The following VPS26C variants were observed in gnomAD, a reference collection of about 807,000 sequenced individuals.
VPS26C encodes vacuolar protein sorting-associated protein 26C.
VPS26C carries 19 observed loss-of-function variants against 30.6 expected under a neutral mutation model. The ratio of observed to expected loss-of-function variants is 0.62; its 90% CI spans 0.43 to 0.91. The LOEUF (loss-of-function observed/expected upper bound fraction) is 0.91, where lower values mean the gene tolerates loss of function less well. Among genes scored for constraint, VPS26C ranks in the 40% least tolerant of loss-of-function variants. The pLI is 0.00. For synonymous variants in VPS26C, 132 were observed against 151.5 expected (o/e 0.87, Z 0.95); for missense variants, 318 against 385.1 (o/e 0.83, Z 1.46).
At chr21:37,265,214 G>C (rs1303486841) in intron 1 of VPS26C, among the ~76,000 whole-genome samples, 1 of 152,188 alleles carries the variant, frequency 6.6e-6, no homozygotes, top group African/African-American at 2.4e-5. Flanking sequence ...GTGGTGATGG[G>C]TGTGCAACTC....
chr21:37,243,463 C>T (rs1451058676), intron 1 of VPS26C, among the ~76,000 whole-genome samples: 1 of 152,190 alleles, frequency 6.6e-6, no homozygotes, highest in Admixed American at 6.5e-5. Flanking sequence ...GGCGCAGCCC[C>T]GTGTGGTGTG....
chr21:37,267,668 C>T (rs2086384561), upstream of VPS26C: 1 of 291,806 alleles, frequency 3.4e-6, no homozygotes, highest in African/African-American at 2.2e-5. Context: ...TGCCCCGCGG[C>T]TGGAGGCGGA....
chr21:37,235,889 T>G (rs2086018744), intron 3 of VPS26C, among the ~76,000 whole-genome samples: 1 of 145,288 alleles, frequency 6.9e-6, no homozygotes. Flanking sequence ...ATTTTTTTTT[T>G]TAATTAAAAA....
chr21:37,238,556 G>A lies in VPS26C; in HGVS notation c.255C>T (p.Pro85=). 6.2e-7 allele frequency: 1 copy of A among 1,614,150 alleles called. No homozygotes were observed. The change falls in exon 3 of 8, where the codon CCC becomes CCT. Residue 85 remains proline, a synonymous_variant. Coordinates refer to ENST00000309117, the MANE Select transcript of VPS26C (RefSeq NM_006052.2). ...CAAAAGGGATTTCTGTTTTGCCGCT[G>A]GGAAATTTCCCCGGCTTCACCATTT... is the stretch of plus-strand genomic sequence containing the variant. ...TIEMVKPGKF[P]SGKTEIPFEF...
At chr21:37,228,194 AGC>A (rs1175759490) in intron 6 of VPS26C, 27 bp downstream of exon 6, 1 of 1,602,990 alleles carries the variant, frequency 6.2e-7, no homozygotes, top group Non-Finnish European at 8.5e-7. Context: ...GGGACAGGCA[AGC>A]GCCAGGCCTG....
chr21:37,243,473 G>T (rs912837235), intron 1 of VPS26C, among the ~76,000 whole-genome samples: 2 of 152,160 alleles, frequency 1.3e-5, no homozygotes, highest in East Asian at 3.9e-4. Context: ...CGTGTGGTGT[G>T]CGTGCTCATC....
chr21:37,238,538 G>T lies in VPS26C; in HGVS notation c.273C>A (p.Ile91=), dbSNP rs757143569. ...PGKFPSGKTE[I]PFEFPLHLKG... is the part of the protein sequence containing the mutation. ...TCAAGTGCAGAGGAAATTCAAAAGG[G>T]ATTTCTGTTTTGCCGCTGGGAAATT... The change falls in exon 3 of 8, where the codon ATC becomes ATA. Residue 91 remains isoleucine, a synonymous_variant. Transcript: ENST00000309117. 1.5e-5 allele frequency: 24 copies of T among 1,614,044 alleles called. No homozygotes were observed. Among genetic ancestry groups the T allele is most frequent in the Non-Finnish European group, 2.0e-5 (24 of 1,180,046 alleles).
At position 37,227,804 on chromosome 21, in the gene VPS26C, A is replaced by G. The variant is rs1466452160; in HGVS notation, c.661T>C (p.Cys221Arg). Reference sequence around the variant, plus strand: ...GCGTCGCGGGCATAGCCTTCTGCACACCCTGCGGGAGGGAGGCCACATCAC... The same window carrying G: ...GCGTCGCGGGCATAGCCTTCTGCACGCCCTGCGGGAGGGAGGCCACATCAC... Reference protein sequence around the residue: ...LQLVRVETCGCAEGYARDATE... With the variant: ...LQLVRVETCGRAEGYARDATE... Residue 221 changes from cysteine to arginine, a missense_variant and splice_region_variant, in exon 7 of 8, where the codon TGT (cysteine) becomes CGT (arginine). Cys to Arg is a radical substitution (Grantham distance 180). Transcript: ENST00000309117. 2.5e-6 allele frequency: 4 copies of G among 1,613,584 alleles called. No homozygotes were observed. Among genetic ancestry groups the G allele is most frequent in the Non-Finnish European group, 3.4e-6 (4 of 1,180,000 alleles).
chr21:37,243,013 T>C (rs1433794816), intron 1 of VPS26C, among the ~76,000 whole-genome samples: 3 of 152,178 alleles, frequency 2.0e-5, no homozygotes, highest in Non-Finnish European at 4.4e-5. Context: ...GGATAGGGAA[T>C]TAGCCCACCT....
chr21:37,242,397 G>A (rs1302021700), intron 1 of VPS26C, among the ~76,000 whole-genome samples: 1 of 152,124 alleles, frequency 6.6e-6, no homozygotes. Flanking sequence ...AGGAGTTCGA[G>A]ACCAGCCTGT....
At chr21:37,262,826 G>T (rs1024312212) in intron 1 of VPS26C, among the ~76,000 whole-genome samples, 1 of 150,820 alleles carries the variant, frequency 6.6e-6, no homozygotes, top group Non-Finnish European at 1.5e-5. Flanking sequence ...GGAGTGCAGT[G>T]GTGTGATCTT....
Position 37,223,898 on chromosome 21 carries a change from G to C in VPS26C, c.*1646C>G, listed in dbSNP as rs769617268. 6.6e-6 allele frequency: 1 copy of C among 152,278 alleles called. No individual in the cohort carries two copies. The highest frequency in any genetic ancestry group is 1.5e-5 in the Non-Finnish European group (1 of 68,072). 9.4% of individuals were successfully genotyped at this position (152,278 alleles called of 1,614,324 possible). Reference sequence around the variant, plus strand: ...AGAAGGCTAGTGTGTGTGCAAAGCAGCATGGCTTATTTTGAGGTCCTATTA... The same window carrying C: ...AGAAGGCTAGTGTGTGTGCAAAGCACCATGGCTTATTTTGAGGTCCTATTA... On this transcript the variant is annotated 3_prime_UTR_variant, in exon 8 of 8. Transcript: ENST00000309117.
At chr21:37,264,396 G>T (rs1156288145) in intron 1 of VPS26C, among the ~76,000 whole-genome samples, 1 of 152,140 alleles carries the variant, frequency 6.6e-6, no homozygotes, top group Non-Finnish European at 1.5e-5. Context: ...CGCAGGAAGT[G>T]GTCCTGGCTG....
chr21:37,266,836 C>T lies in VPS26C; in HGVS notation c.57+402G>A, dbSNP rs1941091990. The T allele has an allele frequency of 1.2e-5, 3 of 248,818 alleles. No homozygotes were observed. The South Asian group carries it at 1.7e-4, about 14-fold the overall frequency. 15.4% of individuals were successfully genotyped at this position (248,818 alleles called of 1,614,324 possible). A position where few individuals can be genotyped will look rare whatever the true frequency, so the allele number is the denominator to read the frequency against. ...TTGTTTTAGCTTTCGTTCATTAGACCTTTGCGGTCACCTTAGGAGAGAGGG... is the reference window on the plus strand; with the variant it reads ...TTGTTTTAGCTTTCGTTCATTAGACTTTTGCGGTCACCTTAGGAGAGAGGG... On this transcript the variant is annotated intron_variant, in intron 1 of 7. Coordinates refer to ENST00000309117, the MANE Select transcript of VPS26C (RefSeq NM_006052.2).
chr21:37,255,261 C>T (rs1183441765), intron 1 of VPS26C, among the ~76,000 whole-genome samples: 1 of 152,036 alleles, frequency 6.6e-6, no homozygotes, highest in African/African-American at 2.4e-5. Context: ...CTGCTCCTTT[C>T]CCAAAGGTGA....
At chr21:37,229,844 G>A (rs1487656742) in intron 5 of VPS26C, among the ~76,000 whole-genome samples, 1 of 152,190 alleles carries the variant, frequency 6.6e-6, no homozygotes, top group Non-Finnish European at 1.5e-5. Flanking sequence ...CTCTGAAGAA[G>A]TCTGCATTCA....
Position 37,228,717 on chromosome 21 carries a change from C to G in VPS26C, c.508-344G>C, listed in dbSNP as rs139963610. 59 of 202,380 alleles carry G rather than the reference C, an allele frequency of 2.9e-4. No homozygotes were observed. The East Asian group carries it at 7.4e-3, about 25-fold the overall frequency. The allele number at this position is 202,380 out of a possible 1,614,324, so 12.5% of individuals were successfully genotyped here. A position where few individuals can be genotyped will look rare whatever the true frequency, so the allele number is the denominator to read the frequency against. The stretch of plus-strand genomic sequence containing the variant: ...GGAGTCGCCATGGTGTTCAAGACAA[C>G]CTGACACACACACAGTTAAAAAGAA... On this transcript the variant is annotated intron_variant, in intron 5 of 7. Transcript: ENST00000309117.
chr21:37,231,968 T>C (rs1181462644), intron 5 of VPS26C: 2 of 182,956 alleles, frequency 1.1e-5, no homozygotes, highest in African/African-American at 2.3e-5. Flanking sequence ...CTCTGTCTGA[T>C]GGGAATGCTG....
At chr21:37,261,689 T>C (rs1472152576) in intron 1 of VPS26C, 2 of 151,834 alleles carry the variant, frequency 1.3e-5, no homozygotes, top group African/African-American at 2.4e-5. Flanking sequence ...TATTTTAAGT[T>C]GTACAATGAT....
Sources: gnomAD v4.1 joint callset for allele counts (sites outside exome capture counted in the v4.1 genomes callset) on GRCh38, gnomAD v4.1.1 for gene constraint, MANE v1.5 for transcripts, NCBI Gene and HGNC (gene_info 2026-07-23, HGNC 2026-07-21) for gene names.